The following ATP8B4 variants were observed in gnomAD, a reference collection of about 807,000 sequenced individuals.
ATP8B4 encodes the protein ATPase phospholipid transporting 8B4 (putative), also known as probable phospholipid-transporting ATPase IM.
Under a neutral mutation model 145.6 loss-of-function variants are expected in ATP8B4, and 133 were observed. That is an observed-to-expected ratio of 0.91 (90% CI 0.79 to 1.05). ATP8B4 has a LOEUF of 1.05. Ranked by LOEUF, ATP8B4 falls within the 50% of genes least tolerant of loss-of-function variation. ATP8B4 has a pLI of 0.00. For synonymous variants in ATP8B4, 507 were observed against 492.9 expected (o/e 1.03, Z -0.38); for missense variants, 1,458 against 1,425.2 (o/e 1.02, Z -0.37).
intron 26 of ATP8B4, among the ~76,000 whole-genome samples, chr15:49,864,116 G>A (rs1416585241): frequency 3.9e-5 from 6 of 152,196 alleles, no homozygotes; most frequent in African/African-American, 1.4e-4. Context: ...TGACCAACAT[G>A]TCTCTACATA....
chr15:50,121,832 T>C (rs556524751), upstream of ATP8B4, among the ~76,000 whole-genome samples: 51 of 152,270 alleles, frequency 3.3e-4, no homozygotes, highest in African/African-American at 1.2e-3. Context: ...GTCTGTAGTC[T>C]AGAGTTTTCA....
chr15:50,136,282 G>C (rs953130069), intron 1 of ATP8B4, among the ~76,000 whole-genome samples: 1 of 152,176 alleles, frequency 6.6e-6, no homozygotes, highest in Non-Finnish European at 1.5e-5. Context: ...AAAGTTCACA[G>C]CCTTCTGTGA....
rs1595672389 is a variant in ATP8B4 at position 50,176,709 on chromosome 15, T to C, written c.-43+5552A>G. ...GCACACATATTAGCACTAGAAACAA[T>C]GATGATTTCATCAGGAGTTTTCCCT... is the stretch of plus-strand genomic sequence containing the variant. On this transcript the variant is annotated intron_variant, in intron 1 of 3. Coordinates refer to the ATP8B4 transcript ENST00000558829. Among the ~76,000 whole-genome samples, 4 of 152,146 alleles carry C rather than the reference T, an allele frequency of 2.6e-5. No homozygotes were observed. The South Asian group carries it at 6.2e-4, about 24-fold the overall frequency.
At chr15:50,099,628 A>G (rs1431576751) in intron 2 of ATP8B4, among the ~76,000 whole-genome samples, 1 of 152,222 alleles carries the variant, frequency 6.6e-6, no homozygotes, top group Non-Finnish European at 1.5e-5. Context: ...CATACAAGCT[A>G]TAAGGAAAGA....
Position 49,924,831 on chromosome 15 carries a change from A to G in ATP8B4, c.1643-1337T>C, listed in dbSNP as rs186657618. 2.9e-3 allele frequency among the ~76,000 whole-genome samples: 438 copies of G among 152,346 alleles called. 7 individuals are homozygous for G. The highest frequency in any genetic ancestry group is 3.4e-3 in the Non-Finnish European group (228 of 68,034). On this transcript the variant is annotated intron_variant, in intron 16 of 27. Coordinates refer to ENST00000284509, the MANE Select transcript of ATP8B4 (RefSeq NM_024837.4). ...CCCTACATTGGGGAAAAAGAAAGAG[A>G]AAAACATATGCAATTTATCTAATTG...
At chr15:49,887,688 T>C (rs2036358727) in intron 23 of ATP8B4, among the ~76,000 whole-genome samples, 1 of 150,764 alleles carries the variant, frequency 6.6e-6, no homozygotes, top group African/African-American at 2.4e-5. Context: ...GGGAGGAGAG[T>C]TCATTTTTCC....
chr15:50,147,701 C>G (rs1443554083), intron 1 of ATP8B4, among the ~76,000 whole-genome samples: 1 of 152,016 alleles, frequency 6.6e-6, no homozygotes, highest in African/African-American at 2.4e-5. Context: ...CAACCAAGAT[C>G]AATGACACAA....
chr15:50,012,757 G>C (rs1023048255), intron 6 of ATP8B4, among the ~76,000 whole-genome samples: 6 of 152,148 alleles, frequency 3.9e-5, no homozygotes, highest in African/African-American at 1.4e-4. Context: ...TACAGAAAAA[G>C]AGCCTGGAGA....
chr15:50,119,547 T>C (rs1015732339), upstream of ATP8B4: 1 of 152,204 alleles, frequency 6.6e-6, no homozygotes, highest in African/African-American at 2.4e-5. Context: ...AAAAGGAAAC[T>C]CCCAAGAGGC....
chr15:49,900,014 A>G (rs190276546), intron 21 of ATP8B4, among the ~76,000 whole-genome samples: 23 of 152,332 alleles, frequency 1.5e-4, no homozygotes, highest in African/African-American at 5.5e-4. Context: ...GTCAAAGTAT[A>G]ACTCATAAGA....
intron 8 of ATP8B4, among the ~76,000 whole-genome samples, chr15:50,001,483 G>T (rs1374814817): frequency 2.6e-5 from 4 of 152,256 alleles, no homozygotes. Context: ...AGATGCTTTG[G>T]ACAAATTACC....
At chr15:49,898,036 C>T in intron 22 of ATP8B4, 32 bp downstream of exon 22, 2 of 1,610,202 alleles carry the variant, frequency 1.2e-6, no homozygotes, top group South Asian at 2.2e-5. Flanking sequence ...CCCATGTATG[C>T]AGCATACCCC....
chr15:50,050,269 T>G (rs141770142), intron 3 of ATP8B4, among the ~76,000 whole-genome samples: 1 of 152,330 alleles, frequency 6.6e-6, no homozygotes, highest in African/African-American at 2.4e-5. Flanking sequence ...GTAAGGACTT[T>G]GATGTCCTGT....
intron 1 of ATP8B4, among the ~76,000 whole-genome samples, chr15:50,114,898 A>G (rs913524240): frequency 6.6e-6 from 1 of 152,240 alleles, no homozygotes. Context: ...CTGACATTCA[A>G]TTATCAAAGA....
chr15:50,103,792 G>T (rs1441490207), intron 2 of ATP8B4, among the ~76,000 whole-genome samples: 1 of 152,012 alleles, frequency 6.6e-6, no homozygotes, highest in African/African-American at 2.4e-5. Context: ...TAAGCAAAAA[G>T]AACAAATCTA....
At chr15:50,094,597 TAC>T (rs927603800) in intron 2 of ATP8B4, among the ~76,000 whole-genome samples, 1 of 148,828 alleles carries the variant, frequency 6.7e-6, no homozygotes, top group African/African-American at 2.4e-5. Flanking sequence ...TATACAAATA[TAC>T]ACATATATAC....
chr15:49,977,839 CAG>C (rs1345531490), intron 12 of ATP8B4, among the ~76,000 whole-genome samples: 1 of 152,012 alleles, frequency 6.6e-6, no homozygotes, highest in Non-Finnish European at 1.5e-5. Context: ...TAAAGTAACT[CAG>C]AAATTAATTC....
At chr15:49,882,670 A>T (rs1312378151) in intron 23 of ATP8B4, among the ~76,000 whole-genome samples, 1 of 152,234 alleles carries the variant, frequency 6.6e-6, no homozygotes, top group African/African-American at 2.4e-5. Flanking sequence ...CAAAAGTATG[A>T]AAATCTATTC....
At chr15:49,922,246 A>C (rs1339579203) in intron 17 of ATP8B4, 4 of 182,730 alleles carry the variant, frequency 2.2e-5, no homozygotes, top group Non-Finnish European at 4.7e-5. Context: ...TATTTTGCAG[A>C]GAAATGTAAA....
Sources: allele counts gnomAD v4.1 joint callset (sites outside exome capture counted in the v4.1 genomes callset), GRCh38; gene constraint gnomAD v4.1.1; transcripts MANE v1.5; gene names NCBI Gene and HGNC (gene_info 2026-07-23, HGNC 2026-07-21).